Variants in SORCS3 observed in about 807,000 individuals in gnomAD.
SORCS3 encodes the protein sortilin related VPS10 domain containing receptor 3.
Under a neutral mutation model 146.3 loss-of-function variants are expected in SORCS3, and 57 were observed. That is an observed-to-expected ratio of 0.39 (90% CI 0.31 to 0.49). The LOEUF (loss-of-function observed/expected upper bound fraction) is 0.49. Ranked by LOEUF, SORCS3 falls within the 20% of genes least tolerant of loss-of-function variation. The pLI, the probability that SORCS3 is intolerant of heterozygous loss-of-function variation, is 0.92. For missense variants in SORCS3, 1,341 were observed against 1,575.5 expected (o/e 0.85, Z 2.52); for synonymous variants, 653 against 618.5 (o/e 1.06, Z -0.83).
chr10:104,724,745 C>G (rs1271186254), intron 1 of SORCS3, among the ~76,000 whole-genome samples: 2 of 152,130 alleles, frequency 1.3e-5, no homozygotes, highest in African/African-American at 4.8e-5. Context: ...ATCACTGATA[C>G]CCTTTCTTCC....
intron 9 of SORCS3, among the ~76,000 whole-genome samples, chr10:105,155,857 A>G (rs1206416529): frequency 6.6e-6 from 1 of 152,150 alleles, no homozygotes; most frequent in Non-Finnish European, 1.5e-5. Context: ...CTTCCAGTTA[A>G]TTCTATTCTC....
chr10:104,681,707 G>T (rs1854189648), intron 1 of SORCS3, among the ~76,000 whole-genome samples: 1 of 151,356 alleles, frequency 6.6e-6, no homozygotes, highest in Admixed American at 6.6e-5. Context: ...AGCTTCCTGG[G>T]TCCATCTACA....
At chr10:104,657,969 T>A (rs1474450182) in intron 1 of SORCS3, among the ~76,000 whole-genome samples, 1 of 152,238 alleles carries the variant, frequency 6.6e-6, no homozygotes. Context: ...TGCACTGTTG[T>A]GATTTTGCAA....
chr10:105,110,630 G>C (rs1182557356), intron 7 of SORCS3, among the ~76,000 whole-genome samples: 1 of 151,910 alleles, frequency 6.6e-6, no homozygotes, highest in Non-Finnish European at 1.5e-5. Flanking sequence ...CTGTGAGTGG[G>C]TCCTTCTGAT....
Position 104,641,482 on chromosome 10 carries a change from G to C in SORCS3, c.155G>C (p.Arg52Pro), listed in dbSNP as rs1177196665. The C allele has an allele frequency of 5.5e-6, 8 of 1,467,022 alleles. No homozygotes were observed. The East Asian group carries it at 2.1e-4, about 38-fold the overall frequency. 90.9% of individuals were successfully genotyped at this position (1,467,022 alleles called of 1,614,324 possible). A position where few individuals can be genotyped will look rare whatever the true frequency, so the allele number is the denominator to read the frequency against. ...GPGRPAAPAS[R>P]PPALSPLSPR... ...GGACGCCCGGCGGCCCCGGCTTCGC[G>C]GCCACCGGCGTTGTCTCCACTCTCG... Residue 52 changes from arginine (R) to proline (P), a missense_variant, in exon 1 of 27, where the codon CGG becomes CCG. Arg to Pro is a moderately radical substitution (Grantham distance 103, BLOSUM62 -2). Transcript: ENST00000369701. The surrounding 1 kb of genome is among the most constrained non-coding windows in gnomAD (Gnocchi z 6.4).
chr10:104,755,641 A>C (rs998892246), intron 1 of SORCS3, among the ~76,000 whole-genome samples: 1 of 152,190 alleles, frequency 6.6e-6, no homozygotes, highest in African/African-American at 2.4e-5. Flanking sequence ...GAGTGAGGAC[A>C]TTCCAGGTGG....
chr10:104,996,666 C>T (rs1476136100), intron 4 of SORCS3, among the ~76,000 whole-genome samples: 1 of 152,114 alleles, frequency 6.6e-6, no homozygotes, highest in Non-Finnish European at 1.5e-5. Flanking sequence ...ATATTCTGGT[C>T]ATTTGTGACT....
intron 3 of SORCS3, among the ~76,000 whole-genome samples, chr10:104,922,636 G>T (rs1176365476): frequency 6.6e-6 from 1 of 152,182 alleles, no homozygotes; most frequent in African/African-American, 2.4e-5. Flanking sequence ...GAGTTTTAAA[G>T]ATATTTTTCT....
At chr10:105,062,738 T>G (rs1168047193) in intron 5 of SORCS3, among the ~76,000 whole-genome samples, 1 of 152,198 alleles carries the variant, frequency 6.6e-6, no homozygotes, top group Non-Finnish European at 1.5e-5. Context: ...AAAACTTCAT[T>G]CCTTTCTGTA....
At chr10:105,170,500 A>C (rs17118687) in intron 13 of SORCS3, among the ~76,000 whole-genome samples, 1 of 152,140 alleles carries the variant, frequency 6.6e-6, no homozygotes, top group East Asian at 1.9e-4. Context: ...TGGCTGTTCT[A>C]ACTTACAAAG....
chr10:105,112,257 A>G lies in SORCS3; in HGVS notation c.1212+6742A>G, dbSNP rs183712561. Among the ~76,000 whole-genome samples the G allele has an allele frequency of 1.7e-3, 258 of 151,700 alleles. 5 individuals are homozygous for G. In the East Asian group the frequency reaches 0.04, roughly 23 times the overall value. ...GTGTGTGTATTGCTTTTAAAAAATT[A>G]TTAGAAACCATCTCAAATGATTTTC... On this transcript the variant is annotated intron_variant, in intron 7 of 26. Coordinates refer to ENST00000369701, the MANE Select transcript of SORCS3 (RefSeq NM_014978.3).
chr10:104,773,973 A>C (rs2017280375), intron 1 of SORCS3, among the ~76,000 whole-genome samples: 1 of 152,272 alleles, frequency 6.6e-6, no homozygotes, highest in Admixed American at 6.5e-5. Flanking sequence ...CAGAATTTGC[A>C]TTTAGCACCA....
At chr10:104,715,931 A>G (rs2016471409) in intron 1 of SORCS3, among the ~76,000 whole-genome samples, 1 of 152,140 alleles carries the variant, frequency 6.6e-6, no homozygotes, top group Non-Finnish European at 1.5e-5. Flanking sequence ...TGCCAAGTAG[A>G]GCCAAAGTTC....
At chr10:104,756,192 G>A (rs2017048686) in intron 1 of SORCS3, among the ~76,000 whole-genome samples, 1 of 152,198 alleles carries the variant, frequency 6.6e-6, no homozygotes, top group Non-Finnish European at 1.5e-5. Flanking sequence ...GTAAGAGGAT[G>A]CATGGTGGTG....
At chr10:104,731,899 T>C (rs2016710811) in intron 1 of SORCS3, among the ~76,000 whole-genome samples, 1 of 152,238 alleles carries the variant, frequency 6.6e-6, no homozygotes, top group Admixed American at 6.5e-5. Flanking sequence ...TGATCCCACC[T>C]TCCAGCTATG....
chr10:104,681,991 G>A (rs1341681269), intron 1 of SORCS3, among the ~76,000 whole-genome samples: 1 of 151,936 alleles, frequency 6.6e-6, no homozygotes, highest in African/African-American at 2.4e-5. Context: ...TCTATTGATT[G>A]CCTGTCCTCT....
In SORCS3 at chr10:105,048,424, T is replaced by A. The variant is rs2055388922; in HGVS notation, c.1028+5296T>A. On this transcript the variant is annotated intron_variant, in intron 5 of 26. Transcript: ENST00000369701. Reference sequence around the variant, plus strand: ...CTGGAAACCATCATTCTCAGCAAACTATCGCAAGGACAAAAAAACCAAACA... The same window carrying A: ...CTGGAAACCATCATTCTCAGCAAACAATCGCAAGGACAAAAAAACCAAACA... 2.0e-4 allele frequency among the ~76,000 whole-genome samples: 30 copies of A among 151,262 alleles called. No homozygotes were observed. In the South Asian group the frequency reaches 6.3e-3, roughly 32 times the overall value.
chr10:105,094,485 A>T (rs1273307881), intron 6 of SORCS3, among the ~76,000 whole-genome samples: 3 of 152,180 alleles, frequency 2.0e-5, no homozygotes, highest in Non-Finnish European at 2.9e-5. Flanking sequence ...TCGCTTACTT[A>T]TGCTTTTACC....
At chr10:104,743,950 C>A (rs924090005) in intron 1 of SORCS3, among the ~76,000 whole-genome samples, 1 of 152,214 alleles carries the variant, frequency 6.6e-6, no homozygotes, top group Non-Finnish European at 1.5e-5. Flanking sequence ...CGATTATGAT[C>A]ATTATTCTAA....
Sources: gnomAD v4.1 joint callset for allele counts (sites outside exome capture counted in the v4.1 genomes callset) on GRCh38, gnomAD v4.1.1 for gene constraint, Gnocchi (gnomAD v3.1) non-coding constraint, MANE v1.5 for transcripts, NCBI Gene and HGNC (gene_info 2026-07-23, HGNC 2026-07-21) for gene names.